Variants in SLC9A1 observed in about 807,000 individuals in gnomAD.
SLC9A1 encodes sodium/hydrogen exchanger 1.
SLC9A1 carries 22 observed loss-of-function variants against 67.9 expected under a neutral mutation model. The observed-to-expected ratio is 0.32, with a 90% CI of 0.23 to 0.46. The LOEUF (loss-of-function observed/expected upper bound fraction) is 0.46. Among genes scored for constraint, SLC9A1 ranks in the 20% least tolerant of loss-of-function variants. The probability of loss-of-function intolerance (pLI) is 1.00; values close to 1 mark genes in which losing one functional copy is unlikely to be tolerated. For missense variants in SLC9A1, 686 were observed against 1,094.8 expected (o/e 0.63, Z 5.27); for synonymous variants, 421 against 471.8 (o/e 0.89, Z 1.40).
chr1:27,152,092 T>G (rs1333406281), intron 1 of SLC9A1, among the ~76,000 whole-genome samples: 1 of 151,966 alleles, frequency 6.6e-6, no homozygotes, highest in Non-Finnish European at 1.5e-5. Flanking sequence ...AGAAGCCAGG[T>G]TTTCCTGACT....
At chr1:27,127,316 T>C (rs2083352432) in intron 1 of SLC9A1, among the ~76,000 whole-genome samples, 1 of 152,222 alleles carries the variant, frequency 6.6e-6, no homozygotes, top group Non-Finnish European at 1.5e-5. Flanking sequence ...AGAGGCTTTC[T>C]ATTGGAGCAA....
chr1:27,102,326 A>C, intron 8 of SLC9A1, 59 bp downstream of exon 8: 1 of 1,540,440 alleles, frequency 6.5e-7, no homozygotes, highest in South Asian at 1.2e-5. Flanking sequence ...GCCACCTCCA[A>C]CCGGGCTTGA....
intron 1 of SLC9A1, among the ~76,000 whole-genome samples, chr1:27,143,689 T>C (rs953078316): frequency 2.0e-4 from 30 of 152,232 alleles, no homozygotes; most frequent in African/African-American, 7.0e-4. Context: ...AATCGACAGA[T>C]AGGGAAACTA....
chr1:27,146,031 G>C (rs576301913), intron 1 of SLC9A1, among the ~76,000 whole-genome samples: 1 of 152,336 alleles, frequency 6.6e-6, no homozygotes, highest in African/African-American at 2.4e-5. Context: ...TAAAGAGACA[G>C]TTTGGCCCAG....
chr1:27,108,898 C>A (rs1318309183), intron 3 of SLC9A1, among the ~76,000 whole-genome samples: 1 of 152,150 alleles, frequency 6.6e-6, no homozygotes, highest in African/African-American at 2.4e-5. Context: ...ACACAGGGGT[C>A]TCCACAGGGA....
chr1:27,118,722 G>C lies in SLC9A1; in HGVS notation c.353-4436C>G, dbSNP rs957871347. On this transcript the variant is annotated intron_variant, in intron 1 of 11. Transcript: ENST00000263980. The surrounding 1 kb of genome is among the most constrained non-coding windows in gnomAD (Gnocchi z 4.3). The stretch of plus-strand genomic sequence containing the variant: ...TAGAGTAAGAACCAGAGTCGTAAGA[G>C]CTGGAATGGATCTTGGAGAGCATCT... Among the ~76,000 whole-genome samples, 4 of 152,152 alleles carry C rather than the reference G, an allele frequency of 2.6e-5. No homozygotes were observed. The highest frequency in any genetic ancestry group is 9.7e-5 in the African/African-American group (4 of 41,430).
chr1:27,101,273 G>T lies in SLC9A1; in HGVS notation c.2040C>A (p.Ile680=). ...RQKARQLEQK[I]NNYLTVPAHK... ...GGGCTGGCACCGTCAGGTAGTTGTT[G>T]ATCTGACAGAGAGGACAGACGGGGT... Residue 680 remains isoleucine, a splice_region_variant and synonymous_variant, in exon 11 of 12, where the codon ATC becomes ATA. Coordinates refer to ENST00000263980, the MANE Select transcript of SLC9A1 (RefSeq NM_003047.5). The surrounding 1 kb of genome is among the most constrained non-coding windows in gnomAD (Gnocchi z 4.9). The T allele has an allele frequency of 6.2e-7, 1 of 1,611,796 alleles. No homozygotes were observed. Among genetic ancestry groups the T allele is most frequent in the South Asian group, 1.1e-5 (1 of 91,040 alleles).
chr1:27,104,325 G>A (rs902794002), intron 5 of SLC9A1, among the ~76,000 whole-genome samples: 25 of 151,884 alleles, frequency 1.6e-4, no homozygotes, highest in Admixed American at 4.6e-4. Flanking sequence ...CAGGCGATCC[G>A]CCTGCCTCGG....
chr1:27,152,318 T>C (rs1322380990), intron 1 of SLC9A1, among the ~76,000 whole-genome samples: 1 of 152,188 alleles, frequency 6.6e-6, no homozygotes, highest in Non-Finnish European at 1.5e-5. Context: ...TCAAAGTGTG[T>C]CTGCCAGCCC....
At chr1:27,127,998 C>T (rs567563433) in intron 1 of SLC9A1, among the ~76,000 whole-genome samples, 1 of 152,332 alleles carries the variant, frequency 6.6e-6, no homozygotes, top group South Asian at 2.1e-4. Context: ...TTGTTGAGAG[C>T]CTCTCTACCT....
chr1:27,120,462 G>A (rs2083297625), intron 1 of SLC9A1, among the ~76,000 whole-genome samples: 1 of 151,896 alleles, frequency 6.6e-6, no homozygotes, highest in African/African-American at 2.4e-5. Context: ...AGCCAGCTGG[G>A]GGTGGCAGCT....
At chr1:27,112,271 G>C (rs778864143) in intron 2 of SLC9A1, among the ~76,000 whole-genome samples, 29 of 152,230 alleles carry the variant, frequency 1.9e-4, no homozygotes, top group Non-Finnish European at 5.9e-5. Context: ...GGAACAGGAA[G>C]CTGAGGCTGC....
chr1:27,148,507 T>C (rs2083504315), intron 1 of SLC9A1, among the ~76,000 whole-genome samples: 1 of 152,096 alleles, frequency 6.6e-6, no homozygotes, highest in Non-Finnish European at 1.5e-5. Flanking sequence ...GAACCCAGCA[T>C]GTTGGCCTGG....
chr1:27,131,439 C>CAAAAAAAAAA (rs35954506), intron 1 of SLC9A1, among the ~76,000 whole-genome samples: 3 of 27,488 alleles, frequency 1.1e-4, no homozygotes, highest in African/African-American at 1.7e-4. Context: ...ACTAAAAATA[C>CAAAAAAAAAA]AAAAAAAAAA....
chr1:27,130,104 GTT>G (rs1346846116), intron 1 of SLC9A1, among the ~76,000 whole-genome samples: 4 of 152,136 alleles, frequency 2.6e-5, no homozygotes, highest in Admixed American at 2.0e-4. Flanking sequence ...CATTTTGTTT[GTT>G]TGTTTGTTTT....
rs1342348294 is a variant in SLC9A1, at chr1:27,137,402, A to G, written c.352+16581T>C. On this transcript the variant is annotated intron_variant, in intron 1 of 11. Coordinates refer to ENST00000263980, the MANE Select transcript of SLC9A1 (RefSeq NM_003047.5). This position sits in a 1 kb window ranked among gnomAD's most constrained non-coding sequence, Gnocchi z 4.6. ...CTGCTTCCTCTGTGAGCTGAGGGGGATGGGCCGGGCTCTGTCATCATGTCA... is the reference window on the plus strand; with the variant it reads ...CTGCTTCCTCTGTGAGCTGAGGGGGGTGGGCCGGGCTCTGTCATCATGTCA... Among the ~76,000 whole-genome samples, 1 of 152,108 alleles carries G rather than the reference A, an allele frequency of 6.6e-6. No homozygotes were observed. Among genetic ancestry groups the G allele is most frequent in the Non-Finnish European group, 1.5e-5 (1 of 68,014 alleles).
intron 2 of SLC9A1, among the ~76,000 whole-genome samples, chr1:27,111,713 G>C (rs952627107): frequency 3.9e-4 from 59 of 152,238 alleles, no homozygotes; most frequent in African/African-American, 1.4e-3. Flanking sequence ...GGGAGGCTAA[G>C]AGGGGATGAT....
chr1:27,143,046 TA>T (rs55970751), intron 1 of SLC9A1, among the ~76,000 whole-genome samples: 59,357 of 97,774 alleles, frequency 0.61, 16,769 homozygotes, highest in East Asian at 0.82. Context: ...ATCAACTGTG[TA>T]AAAAAAAAAA....
At position 27,107,687 on chromosome 1, in the gene SLC9A1, T is replaced by C. The variant is rs754832585; in HGVS notation, c.1243A>G (p.Ile415Val). ...ATGAGGCAGAAGAGCAGGGTGCTGATGACGAAGGTCCAGTTCCAGTGGTGG... is the reference window on the plus strand; with the variant it reads ...ATGAGGCAGAAGAGCAGGGTGCTGACGACGAAGGTCCAGTTCCAGTGGTGG... ...GSHHWNWTFVISTLLFCLIAR... is the reference protein window; with the variant it reads ...GSHHWNWTFVVSTLLFCLIAR... The change falls in exon 4 of 12, where the codon ATC (isoleucine) becomes GTC (valine). Residue 415 changes from isoleucine (I) to valine (V), a missense_variant. This residue lies in a region of SLC9A1 where 168 missense variants were observed against 375.4 expected (regional missense o/e 0.45). Transcript: ENST00000263980. 1 of 1,568,662 alleles carries C rather than the reference T, an allele frequency of 6.4e-7. No homozygotes were observed. The highest frequency in any genetic ancestry group is 8.6e-7 in the Non-Finnish European group (1 of 1,156,854).
Sources: allele counts gnomAD v4.1 joint callset (sites outside exome capture counted in the v4.1 genomes callset), GRCh38; gene constraint gnomAD v4.1.1; regional missense constraint gnomAD v4.1.1; non-coding constraint Gnocchi (gnomAD v3.1); transcripts MANE v1.5; gene names NCBI Gene and HGNC (gene_info 2026-07-23, HGNC 2026-07-21).